CCDC92: variants seen among roughly 807,000 people sequenced by gnomAD.
CCDC92 encodes the protein coiled-coil domain-containing protein 92.
CCDC92 carries 12 observed loss-of-function variants against 24.9 expected under a neutral mutation model. That is an observed-to-expected ratio of 0.48 (90% confidence interval 0.31 to 0.78). CCDC92 has a LOEUF of 0.78. Ranked by LOEUF, CCDC92 falls within the 30% of genes least tolerant of loss-of-function variation. The pLI is 0.05. For synonymous variants in CCDC92, 193 were observed against 196.3 expected, an observed-to-expected ratio of 0.98 and a Z score of 0.14; for missense variants, 399 against 439.4, an observed-to-expected ratio of 0.91 and a Z score of 0.82.
chr12:123,936,796 C>CACTT lies in CCDC92; in HGVS notation c.*258_*261dup. ...CGTGGCCTGGGCTTTGCCTGCAGCG[C>CACTT]ACTTAGGTTACACGGAGCGGGATCA... On this transcript the variant is annotated 3_prime_UTR_variant, in exon 5 of 5. Transcript: ENST00000238156. The CACTT allele has an allele frequency of 1.7e-6, 1 of 575,692 alleles. No homozygotes were observed. Among genetic ancestry groups the CACTT allele is most frequent in the South Asian group, 2.1e-5 (1 of 47,456 alleles). 35.7% of individuals were successfully genotyped at this position (575,692 alleles called of 1,614,324 possible). A position where few individuals can be genotyped will look rare whatever the true frequency, so the allele number is the denominator to read the frequency against.
At chr12:123,971,929 G>C (rs1435167952) in intron 1 of CCDC92, 1 of 152,364 alleles carries the variant, frequency 6.6e-6, no homozygotes, top group African/African-American at 2.4e-5. Context: ...GATACAACTT[G>C]TCAGGGAGGG....
At chr12:123,966,171 G>A (rs1271894977) in intron 1 of CCDC92, 1 of 152,170 alleles carries the variant, frequency 6.6e-6, no homozygotes, top group African/African-American at 2.4e-5. Context: ...AAATAAAGCT[G>A]TAAAGCCCTA....
intron 1 of CCDC92, among the ~76,000 whole-genome samples, chr12:123,953,374 C>T (rs547551128): frequency 4.0e-5 from 5 of 125,010 alleles, no homozygotes; most frequent in Non-Finnish European, 3.6e-5. Flanking sequence ...CTATATTTAC[C>T]GACAAGGTAA....
At chr12:123,941,951 G>A (rs949833793) in intron 4 of CCDC92, among the ~76,000 whole-genome samples, 2 of 152,206 alleles carry the variant, frequency 1.3e-5, no homozygotes, top group Admixed American at 6.5e-5. Flanking sequence ...GTGTGCTCTC[G>A]TGGTAAGACT....
At chr12:123,969,697 C>T (rs146577207) in intron 1 of CCDC92, among the ~76,000 whole-genome samples, 1 of 151,898 alleles carries the variant, frequency 6.6e-6, no homozygotes, top group Non-Finnish European at 1.5e-5. Flanking sequence ...CTCTTGACCT[C>T]GTGATCTGCC....
Position 123,944,340 on chromosome 12 carries a change from G to A in CCDC92, c.-35C>T. ...TGGAAAAGCTACCAGAGTAATTCAA[G>A]ACGCTTGTACAGCACTGAAAAATAC... is the stretch of plus-strand genomic sequence containing the variant. On this transcript the variant is annotated 5_prime_UTR_variant, in exon 2 of 5. Transcript: ENST00000238156. 1 of 1,558,248 alleles carries A rather than the reference G, an allele frequency of 6.4e-7. No homozygotes were observed. The highest frequency in any genetic ancestry group is 8.7e-7 in the Non-Finnish European group (1 of 1,155,602).
At position 123,937,792 on chromosome 12, in the gene CCDC92, A is replaced by C. The variant is rs1955566785; in HGVS notation, c.262T>G (p.Cys88Gly). Residue 88 changes from cysteine to glycine, a missense_variant, in exon 5 of 5, where the codon TGT becomes GGT. Transcript: ENST00000238156. The surrounding 1 kb of genome is among the most constrained non-coding windows in gnomAD (Gnocchi z 8.4). ...TTCAGTTGGGCTTCCAGCTCTTCAC[A>C]TCTTTTCTTTAATTCACTGCTTTTA... ...TSKSSELKKR[C>G]EELEAQLKVK... The C allele has an allele frequency of 6.2e-7, 1 of 1,612,536 alleles. No homozygotes were observed. Among genetic ancestry groups the C allele is most frequent in the African/African-American group, 1.3e-5 (1 of 74,868 alleles).
At chr12:123,964,839 A>G (rs1956354474) in intron 1 of CCDC92, among the ~76,000 whole-genome samples, 1 of 152,248 alleles carries the variant, frequency 6.6e-6, no homozygotes, top group East Asian at 1.9e-4. Flanking sequence ...ATGTTTCAAG[A>G]TATCACATTT....
At chr12:123,962,033 T>C (rs1332904288) in intron 1 of CCDC92, among the ~76,000 whole-genome samples, 1 of 152,212 alleles carries the variant, frequency 6.6e-6, no homozygotes, top group Non-Finnish European at 1.5e-5. Flanking sequence ...CAATATTCCA[T>C]TTGCTAAACA....
At chr12:123,942,611 G>C in intron 4 of CCDC92, 133 bp downstream of exon 4, 1 of 749,798 alleles carries the variant, frequency 1.3e-6, no homozygotes, top group Non-Finnish European at 2.4e-6. Flanking sequence ...TCTTCTCTTA[G>C]AGAGCTCAGG....
At chr12:123,954,435 T>A (rs1408769234) in intron 1 of CCDC92, among the ~76,000 whole-genome samples, 1 of 152,216 alleles carries the variant, frequency 6.6e-6, no homozygotes, top group African/African-American at 2.4e-5. Context: ...AGCCTAACAT[T>A]AAAGTCGTAA....
In CCDC92 at chr12:123,938,006, A is replaced by G. The variant is rs1013008807; in HGVS notation, c.224-176T>C. Reference sequence around the variant, plus strand: ...CCCCTCCCCTCCCCGAGGTGGGGAGATCGGGGCATCTCAGAGGCCCTTTCC... The same window carrying G: ...CCCCTCCCCTCCCCGAGGTGGGGAGGTCGGGGCATCTCAGAGGCCCTTTCC... On this transcript the variant is annotated intron_variant, in intron 4 of 4. Coordinates refer to ENST00000238156, the MANE Select transcript of CCDC92 (RefSeq NM_025140.3). Among the ~76,000 whole-genome samples the G allele has an allele frequency of 7.9e-5, 12 of 152,146 alleles. No individual in the cohort carries two copies. The South Asian group carries it at 1.5e-3, about 18-fold the overall frequency.
intron 1 of CCDC92, among the ~76,000 whole-genome samples, chr12:123,953,606 G>A (rs1054926524): frequency 1.3e-5 from 2 of 152,122 alleles, no homozygotes; most frequent in Non-Finnish European, 2.9e-5. Context: ...GTGAAACTCT[G>A]TCTATACTAA....
intron 1 of CCDC92, among the ~76,000 whole-genome samples, chr12:123,948,208 G>A (rs1174816753): frequency 6.6e-6 from 1 of 152,226 alleles, no homozygotes; most frequent in Non-Finnish European, 1.5e-5. Context: ...AATGGGATGT[G>A]CCTATATGTA....
Position 123,967,286 on chromosome 12 carries a change from G to T in CCDC92, c.-60+5243C>A, listed in dbSNP as rs567647790. 2.0e-5 allele frequency among the ~76,000 whole-genome samples: 3 copies of T among 152,254 alleles called. No homozygotes were observed. The South Asian group carries it at 6.2e-4, about 32-fold the overall frequency. ...TCAACCAGAAGATAAAGATGACTCA[G>T]TATCAGATACTGACCTTCCTTGAAA... On this transcript the variant is annotated intron_variant, in intron 1 of 4. Coordinates refer to ENST00000238156, the MANE Select transcript of CCDC92 (RefSeq NM_025140.3).
intron 1 of CCDC92, among the ~76,000 whole-genome samples, chr12:123,957,394 G>A (rs1308287768): frequency 6.6e-6 from 1 of 152,222 alleles, no homozygotes; most frequent in Non-Finnish European, 1.5e-5. Flanking sequence ...GTGGGGGAGT[G>A]TGAGGCAGCT....
intron 4 of CCDC92, among the ~76,000 whole-genome samples, chr12:123,941,574 G>GAGA (rs943609023): frequency 6.6e-6 from 1 of 152,234 alleles, no homozygotes. Context: ...GTGGGGAATG[G>GAGA]AGAAGTTCTT....
chr12:123,943,828 C>A, intron 2 of CCDC92: 1 of 448,974 alleles, frequency 2.2e-6, no homozygotes, highest in South Asian at 3.5e-5. Context: ...GGCAGATTCG[C>A]GAGCCTGGGG....
At position 123,937,250 on chromosome 12, in the gene CCDC92, G is replaced by A. The variant is rs754116045; in HGVS notation, c.804C>T (p.Ile268=). The A allele has an allele frequency of 3.7e-5, 60 of 1,611,094 alleles. No individual in the cohort carries two copies. The highest frequency in any genetic ancestry group is 4.6e-5 in the Non-Finnish European group (54 of 1,179,798). ...IKERPLVIPP[I]ASDRSGEQHS... Reference sequence around the variant, plus strand: ...GCTGCTCGCCGCTTCGGTCGGAGGCGATGGGGGGGATGACGAGGGGCCTCT... The same window carrying A: ...GCTGCTCGCCGCTTCGGTCGGAGGCAATGGGGGGGATGACGAGGGGCCTCT... Residue 268 remains isoleucine, a synonymous_variant, in exon 5 of 5, where the codon ATC becomes ATT. Transcript: ENST00000238156. The surrounding 1 kb of genome is among the most constrained non-coding windows in gnomAD (Gnocchi z 8.4).
Sources: allele counts gnomAD v4.1 joint callset (sites outside exome capture counted in the v4.1 genomes callset), GRCh38; gene constraint gnomAD v4.1.1; non-coding constraint Gnocchi (gnomAD v3.1); transcripts MANE v1.5; gene names NCBI Gene and HGNC (gene_info 2026-07-23, HGNC 2026-07-21).